USP47: variants seen among roughly 807,000 people sequenced by gnomAD.
The protein encoded by USP47 is ubiquitin carboxyl-terminal hydrolase 47.
USP47 carries 35 observed loss-of-function variants against 165.1 expected under a neutral mutation model. The observed-to-expected ratio is 0.21, with a 90% CI of 0.16 to 0.28. USP47 has a LOEUF of 0.28. Among genes scored for constraint, USP47 ranks in the 10% least tolerant of loss-of-function variants. USP47 has a pLI of 1.00. For missense variants in USP47, 1,277 were observed against 1,607.4 expected (o/e 0.79, Z 3.52); for synonymous variants, 531 against 544.5 (o/e 0.98, Z 0.35).
At chr11:11,867,825 A>G (rs894696492) in intron 1 of USP47, among the ~76,000 whole-genome samples, 2 of 152,160 alleles carry the variant, frequency 1.3e-5, no homozygotes, top group East Asian at 3.8e-4. Flanking sequence ...TGTTTCTGCC[A>G]GGTGCCTGGG....
chr11:11,873,471 T>C (rs1850202649), intron 1 of USP47, among the ~76,000 whole-genome samples: 1 of 152,118 alleles, frequency 6.6e-6, no homozygotes, highest in Middle Eastern at 3.2e-3. Context: ...GATCTCTTGG[T>C]TTCCTTTAGT....
intron 8 of USP47, among the ~76,000 whole-genome samples, chr11:11,913,634 G>A (rs1853185971): frequency 6.6e-6 from 1 of 152,016 alleles, no homozygotes; most frequent in African/African-American, 2.4e-5. Context: ...GAGAGGCGGG[G>A]ATAAAGACAG....
At chr11:11,913,258 C>CAAAAA (rs796881838) in intron 8 of USP47, among the ~76,000 whole-genome samples, 90 of 78,972 alleles carry the variant, frequency 1.1e-3, no homozygotes, top group Non-Finnish European at 1.4e-3. Context: ...ATCCCTTGTA[C>CAAAAA]AAAAAAAAAA....
chr11:11,878,170 A>G (rs762971499), intron 1 of USP47, among the ~76,000 whole-genome samples: 62 of 152,128 alleles, frequency 4.1e-4, no homozygotes, highest in Non-Finnish European at 5.7e-4. Flanking sequence ...ATATTTAGGG[A>G]AAGAACCAGG....
At chr11:11,953,355 A>G (rs151113394) in intron 25 of USP47, among the ~76,000 whole-genome samples, 198 of 152,324 alleles carry the variant, frequency 1.3e-3, no homozygotes, top group African/African-American at 4.6e-3. Flanking sequence ...ATTTATTTCC[A>G]TACTTCATAC....
At chr11:11,875,493 C>T (rs866412107) in intron 1 of USP47, among the ~76,000 whole-genome samples, 2 of 152,156 alleles carry the variant, frequency 1.3e-5, no homozygotes, top group Non-Finnish European at 2.9e-5. Flanking sequence ...ACTATGCCAA[C>T]GACTTCTAGA....
rs555047377 is a variant in USP47, at chr11:11,895,338, G to A, written c.497-2259G>A. Among the ~76,000 whole-genome samples the A allele has an allele frequency of 7.2e-5, 11 of 152,138 alleles. No individual in the cohort carries two copies. In the South Asian group the frequency reaches 2.3e-3, roughly 32 times the overall value. On this transcript the variant is annotated intron_variant, in intron 4 of 27. Coordinates refer to ENST00000527733, the MANE Select transcript of USP47 (RefSeq NM_001282659.2). ...GTACATTTTCCTCCAGGGTTCTAGG[G>A]GTCCTGCCTTCCTGAGTTACTCTAT...
At chr11:11,915,473 A>AT (rs1853346115) in intron 8 of USP47, among the ~76,000 whole-genome samples, 2 of 152,330 alleles carry the variant, frequency 1.3e-5, no homozygotes, top group Non-Finnish European at 1.5e-5. Context: ...TATGGAACTT[A>AT]ATAGACACAT....
chr11:11,940,426 T>C lies in USP47; in HGVS notation c.2194-3T>C. ...ACTTTTTATTAAATTGCTTTCATTA[T>C]AGGCCATCCATTTACCTGCTGAAAC... On this transcript the variant is annotated splice_polypyrimidine_tract_variant and splice_region_variant and intron_variant, in intron 18 of 27. Transcript: ENST00000527733. The C allele has an allele frequency of 6.2e-7, 1 of 1,604,920 alleles. No individual in the cohort carries two copies. Among genetic ancestry groups the C allele is most frequent in the South Asian group, 1.1e-5 (1 of 89,506 alleles).
intron 25 of USP47, 47 bp from the exon 26 acceptor site, chr11:11,954,850 C>G (rs893037880): frequency 1.6e-5 from 25 of 1,587,532 alleles, no homozygotes; most frequent in Non-Finnish European, 2.2e-5. Flanking sequence ...CTTTTCTAAG[C>G]AAGTTAATTT....
At chr11:11,940,032 A>G (rs1156722675) in intron 18 of USP47, among the ~76,000 whole-genome samples, 4 of 152,150 alleles carry the variant, frequency 2.6e-5, no homozygotes, top group Admixed American at 1.3e-4. Context: ...ATTAAAAACT[A>G]TTCACAGACT....
At chr11:11,917,004 G>T (rs1853470631) in intron 8 of USP47, among the ~76,000 whole-genome samples, 1 of 145,078 alleles carries the variant, frequency 6.9e-6, no homozygotes, top group African/African-American at 2.9e-5. Context: ...TAAAAAATCA[G>T]TTATCAGTTG....
chr11:11,900,767 G>A (rs1016166704), intron 5 of USP47, among the ~76,000 whole-genome samples: 3 of 152,200 alleles, frequency 2.0e-5, no homozygotes, highest in African/African-American at 7.2e-5. Context: ...TAACTAAGAT[G>A]ACTAAAGTAA....
intron 1 of USP47, among the ~76,000 whole-genome samples, chr11:11,855,815 T>G (rs965554996): frequency 6.6e-6 from 1 of 152,208 alleles, no homozygotes; most frequent in Non-Finnish European, 1.5e-5. Flanking sequence ...AACATTGAGT[T>G]AGTAGCTGCC....
chr11:11,943,433 T>G (rs991225699), intron 20 of USP47: 3 of 169,126 alleles, frequency 1.8e-5, no homozygotes, highest in Non-Finnish European at 3.8e-5. Context: ...TGAGAAACTT[T>G]AGAAAATTTG....
intron 15 of USP47, 49 bp from the exon 16 acceptor site, chr11:11,933,782 A>T (rs1193785221): frequency 1.5e-6 from 2 of 1,321,938 alleles, no homozygotes. Flanking sequence ...CTACGGAAGA[A>T]TTGAACTTTG....
chr11:11,953,813 C>T (rs1856375772), intron 25 of USP47, among the ~76,000 whole-genome samples: 1 of 152,096 alleles, frequency 6.6e-6, no homozygotes, highest in Admixed American at 6.5e-5. Flanking sequence ...TCAAAAAATA[C>T]CTAGAGTTCT....
intron 8 of USP47, among the ~76,000 whole-genome samples, chr11:11,914,396 C>T (rs1853252410): frequency 6.6e-6 from 1 of 152,042 alleles, no homozygotes; most frequent in Non-Finnish European, 1.5e-5. Context: ...CAAAAATTAA[C>T]TCAAAATGGG....
intron 5 of USP47, 45 bp downstream of exon 5, chr11:11,897,738 G>T (rs779237507): frequency 7.4e-7 from 1 of 1,355,206 alleles, no homozygotes; most frequent in East Asian, 2.3e-5. Context: ...ATTTAAGAAT[G>T]AAAATATCAC....
Sources: gnomAD v4.1 joint callset for allele counts (sites outside exome capture counted in the v4.1 genomes callset) on GRCh38, gnomAD v4.1.1 for gene constraint, MANE v1.5 for transcripts, NCBI Gene and HGNC (gene_info 2026-07-23, HGNC 2026-07-21) for gene names.